ESF1: variants seen among roughly 807,000 people sequenced by gnomAD.
The protein encoded by ESF1 is ESF1 nucleolar pre-rRNA processing protein, also known as ESF1 homolog.
A neutral mutation model predicts 92.0 loss-of-function variants in ESF1; 58 were observed. The ratio of observed to expected loss-of-function variants is 0.63; its 90% confidence interval spans 0.51 to 0.78. The LOEUF (loss-of-function observed/expected upper bound fraction) is 0.78. Ranked by LOEUF, ESF1 falls within the 30% of genes least tolerant of loss-of-function variation. The probability of loss-of-function intolerance (pLI) is 0.00; values close to 1 mark genes in which losing one functional copy is unlikely to be tolerated. For synonymous variants in ESF1, 321 were observed against 313.7 expected (o/e 1.02, Z -0.24); for missense variants, 922 against 989.1 (o/e 0.93, Z 0.91).
In ESF1 at chr20:13,748,580, A is replaced by G. The variant is rs1406959730; in HGVS notation, c.1828+11112T>C. Reference sequence around the variant, plus strand: ...TATATATATATGTGTGTGTGTATATATATATATATATATTTTTTTTTTTTT... The same window carrying G: ...TATATATATATGTGTGTGTGTATATGTATATATATATATTTTTTTTTTTTT... On this transcript the variant is annotated intron_variant, in intron 9 of 13. Transcript: ENST00000617257. Among the ~76,000 whole-genome samples the G allele has an allele frequency of 1.8e-3, 115 of 65,578 alleles. 3 individuals are homozygous for G. Among genetic ancestry groups the G allele is most frequent in the African/African-American group, 6.2e-3 (86 of 13,948 alleles). 43.0% of individuals were successfully genotyped at this position (65,578 alleles called of 152,430 possible).
chr20:13,760,780 C>T lies in ESF1; in HGVS notation c.1667-927G>A, dbSNP rs547931222. Among the ~76,000 whole-genome samples the T allele has an allele frequency of 3.3e-5, 5 of 150,360 alleles. No homozygotes were observed. The South Asian group carries it at 1.1e-3, about 32-fold the overall frequency. On this transcript the variant is annotated intron_variant, in intron 8 of 13. Coordinates refer to ENST00000617257, the MANE Select transcript of ESF1 (RefSeq NM_001276380.2). ...GTGGGGGGGTCAGCCCCCGCCCGGC[C>T]AGCCACCCCGTCTGGGAGGTGAGGG...
chr20:13,764,012 C>T (rs1979320221), intron 8 of ESF1, among the ~76,000 whole-genome samples: 1 of 151,708 alleles, frequency 6.6e-6, no homozygotes, highest in South Asian at 2.1e-4. Flanking sequence ...CATGGGATCT[C>T]GAAAACTCAA....
At chr20:13,755,467 G>A (rs1422261206) in intron 9 of ESF1, among the ~76,000 whole-genome samples, 2 of 152,094 alleles carry the variant, frequency 1.3e-5, no homozygotes, top group Non-Finnish European at 2.9e-5. Context: ...TCATTTATAC[G>A]TGTATTAGAA....
At chr20:13,778,429 A>G (rs1309090526) in intron 2 of ESF1, among the ~76,000 whole-genome samples, 1 of 150,844 alleles carries the variant, frequency 6.6e-6, no homozygotes, top group Non-Finnish European at 1.5e-5. Flanking sequence ...CTCAACTGTC[A>G]GTCATTATAC....
At position 13,783,220 on chromosome 20, in the gene ESF1, G is replaced by T. The variant is rs1348390845; in HGVS notation, c.-43-37C>A. 7.4e-6 allele frequency: 10 copies of T among 1,351,202 alleles called. No individual in the cohort carries two copies. The East Asian group carries it at 2.0e-4, about 26-fold the overall frequency. 83.7% of individuals were successfully genotyped at this position (1,351,202 alleles called of 1,614,324 possible). On this transcript the variant is annotated intron_variant, in intron 1 of 13. Coordinates refer to ENST00000617257, the MANE Select transcript of ESF1 (RefSeq NM_001276380.2). ...AACAAATGTTTTAATGGTAATAATG[G>T]TTAGTACAATAATTAAATGTTTTAA...
At chr20:13,758,111 G>A (rs371090495) in intron 9 of ESF1, among the ~76,000 whole-genome samples, 37 of 152,204 alleles carry the variant, frequency 2.4e-4, no homozygotes, top group African/African-American at 8.2e-4. Flanking sequence ...GTTCTTCTGC[G>A]AGACAATTCT....
At chr20:13,737,998 C>A (rs6134966) in intron 9 of ESF1, among the ~76,000 whole-genome samples, 33,262 of 151,850 alleles carry the variant, frequency 0.22, 4,388 homozygotes, top group East Asian at 0.59. Flanking sequence ...ACTGGCCATG[C>A]CCTGAGGAAC....
intron 9 of ESF1, among the ~76,000 whole-genome samples, chr20:13,740,681 A>C (rs889360308): frequency 6.6e-6 from 1 of 152,228 alleles, no homozygotes; most frequent in African/African-American, 2.4e-5. Context: ...AAGCAAGATT[A>C]AAGCTAACAA....
Position 13,782,766 on chromosome 20 carries a change from A to G in ESF1, c.375T>C (p.Ser125=). ...KETKKANHKG[S]ENKTDLDNSI... Reference sequence around the variant, plus strand: ...AATTATCTAAATCAGTTTTATTTTCAGAACCCTTGTGATTAGCCTTCTTGG... The same window carrying G: ...AATTATCTAAATCAGTTTTATTTTCGGAACCCTTGTGATTAGCCTTCTTGG... The change falls in exon 2 of 14, where the codon TCT becomes TCC. Residue 125 remains serine, a synonymous_variant. Transcript: ENST00000617257. The G allele has an allele frequency of 6.3e-7, 1 of 1,599,228 alleles. No individual in the cohort carries two copies. Among genetic ancestry groups the G allele is most frequent in the South Asian group, 1.2e-5 (1 of 85,918 alleles).
In ESF1 at chr20:13,778,720, A is replaced by G. The variant is rs150749135; in HGVS notation, c.638-2450T>C. Among the ~76,000 whole-genome samples, 216 of 152,312 alleles carry G rather than the reference A, an allele frequency of 1.4e-3. 1 individual carries two copies. Among genetic ancestry groups the G allele is most frequent in the African/African-American group, 4.6e-3 (190 of 41,552 alleles). ...GTCTTCCATTTCAATGTTTTTAACA[A>G]TATCAACTGCATTCAGAGTATTTAT... On this transcript the variant is annotated intron_variant, in intron 2 of 13. Transcript: ENST00000617257.
chr20:13,778,546 C>T (rs1051419167), intron 2 of ESF1, among the ~76,000 whole-genome samples: 11 of 151,972 alleles, frequency 7.2e-5, no homozygotes, highest in African/African-American at 2.7e-4. Flanking sequence ...AGGGTAATTA[C>T]ATTGTTTTCT....
chr20:13,774,336 G>C (rs1046468771), intron 4 of ESF1, among the ~76,000 whole-genome samples: 1 of 152,096 alleles, frequency 6.6e-6, no homozygotes, highest in African/African-American at 2.4e-5. Flanking sequence ...GCTCATTGGC[G>C]CATTTCAGAT....
intron 2 of ESF1, among the ~76,000 whole-genome samples, chr20:13,777,743 TTCTA>T (rs1383158243): frequency 1.3e-5 from 2 of 152,242 alleles, no homozygotes; most frequent in East Asian, 3.8e-4. Context: ...AATCACAGGC[TTCTA>T]TCTACTTGGT....
chr20:13,750,644 A>T (rs1399554574), intron 9 of ESF1, among the ~76,000 whole-genome samples: 1 of 152,208 alleles, frequency 6.6e-6, no homozygotes, highest in African/African-American at 2.4e-5. Context: ...TCAAAAGCTA[A>T]ACAATAAAAA....
chr20:13,782,830 T>C lies in ESF1; in HGVS notation c.311A>G (p.Glu104Gly), dbSNP rs1980269300. 6.2e-7 allele frequency: 1 copy of C among 1,603,914 alleles called. No homozygotes were observed. The highest frequency in any genetic ancestry group is 1.7e-5 in the Admixed American group (1 of 57,724). ...CTCAACTAGATTTTTTGAATCGATT[T>C]CTTTTTTAGTCTGGGTTTTTTTCTT... ...IKKKKTQTKK[E>G]IDSKNLVEKK... The change falls in exon 2 of 14, where the codon GAA (glutamate) becomes GGA (glycine). Residue 104 changes from glutamate to glycine, a missense_variant. By Grantham distance (98) the Glu-to-Gly change is moderately conservative (BLOSUM62 -2). Transcript: ENST00000617257.
chr20:13,772,088 C>T (rs1233163227), intron 5 of ESF1, among the ~76,000 whole-genome samples: 2 of 149,426 alleles, frequency 1.3e-5, no homozygotes, highest in African/African-American at 2.5e-5. Flanking sequence ...TATATTGCAC[C>T]ATGATGATAA....
chr20:13,760,416 G>A (rs1332338244), intron 8 of ESF1, among the ~76,000 whole-genome samples: 1 of 148,768 alleles, frequency 6.7e-6, no homozygotes, highest in Non-Finnish European at 1.5e-5. Flanking sequence ...CGCCCCGTCT[G>A]GGGTGTGAGG....
At chr20:13,725,391 C>T (rs371527921) in intron 11 of ESF1, among the ~76,000 whole-genome samples, 8 of 152,252 alleles carry the variant, frequency 5.3e-5, no homozygotes, top group African/African-American at 1.7e-4. Flanking sequence ...ATACCTTCTC[C>T]TTACCTACAT....
intron 10 of ESF1, among the ~76,000 whole-genome samples, chr20:13,728,689 AC>A: frequency 6.6e-6 from 1 of 151,960 alleles, no homozygotes; most frequent in East Asian, 1.9e-4. Flanking sequence ...ACACAGTGAA[AC>A]CCCATTTCTT....
Sources: allele counts gnomAD v4.1 joint callset (sites outside exome capture counted in the v4.1 genomes callset), GRCh38; gene constraint gnomAD v4.1.1; transcripts MANE v1.5; gene names NCBI Gene and HGNC (gene_info 2026-07-23, HGNC 2026-07-21).